The following C13orf42 variants were observed in gnomAD, a reference collection of about 807,000 sequenced individuals.
The protein encoded by C13orf42 is chromosome 13 open reading frame 42.
At chr13:51,133,285 G>A (rs1289942869) in intron 1 of C13orf42, among the ~76,000 whole-genome samples, 1 of 152,164 alleles carries the variant, frequency 6.6e-6, no homozygotes, top group African/African-American at 2.4e-5. Context: ...TCATAGAGAA[G>A]GGAAATAGAA....
chr13:51,119,649 G>A (rs1288522796), intron 1 of C13orf42, among the ~76,000 whole-genome samples: 1 of 152,128 alleles, frequency 6.6e-6, no homozygotes, highest in Non-Finnish European at 1.5e-5. Context: ...AAATAAGACA[G>A]ACACAAAAAG....
chr13:51,100,650 TA>T (rs1431927437), intron 1 of C13orf42, among the ~76,000 whole-genome samples: 1 of 152,180 alleles, frequency 6.6e-6, no homozygotes, highest in Non-Finnish European at 1.5e-5. Flanking sequence ...GGCAAACTTT[TA>T]AAATTAATGA....
At chr13:51,162,031 C>T in intron 1 of C13orf42, 1 of 380,650 alleles carries the variant, frequency 2.6e-6, no homozygotes, top group Non-Finnish European at 5.2e-6. Context: ...ATGCCAGCAG[C>T]AGGCCAGTAC....
At chr13:51,147,727 T>TCAAAAAAAACAAA (rs1953748788) in intron 1 of C13orf42, among the ~76,000 whole-genome samples, 1 of 149,746 alleles carries the variant, frequency 6.7e-6, no homozygotes, top group Non-Finnish European at 1.5e-5. Context: ...AGACTGTGTC[T>TCAAAAAAAACAAA]CAAAAAAAAA....
chr13:51,147,394 T>C (rs1448338257), intron 1 of C13orf42, among the ~76,000 whole-genome samples: 1 of 151,960 alleles, frequency 6.6e-6, no homozygotes, highest in Non-Finnish European at 1.5e-5. Flanking sequence ...CATGGGACAG[T>C]GGCTGCTGTG....
At chr13:51,137,505 T>C (rs1399461825) in intron 1 of C13orf42, among the ~76,000 whole-genome samples, 4 of 152,140 alleles carry the variant, frequency 2.6e-5, no homozygotes, top group Admixed American at 2.6e-4. Context: ...TATCCCACTC[T>C]GTCCCCACGC....
At chr13:51,107,305 C>T (rs528449910) in intron 1 of C13orf42, among the ~76,000 whole-genome samples, 1 of 152,048 alleles carries the variant, frequency 6.6e-6, no homozygotes, top group East Asian at 1.9e-4. Context: ...TGTGTCATGA[C>T]AATTTTTTTA....
At chr13:51,154,932 G>T (rs929163046) in intron 1 of C13orf42, among the ~76,000 whole-genome samples, 1 of 152,182 alleles carries the variant, frequency 6.6e-6, no homozygotes, top group East Asian at 1.9e-4. Context: ...CTTTTAAGGG[G>T]CCGGTAAGGT....
intron 1 of C13orf42, among the ~76,000 whole-genome samples, chr13:51,148,702 G>A (rs1018145964): frequency 8.5e-5 from 13 of 152,222 alleles, no homozygotes; most frequent in Admixed American, 3.9e-4. Flanking sequence ...GGGCAGCGAC[G>A]TGCCTTAGGA....
At chr13:51,111,986 G>A (rs1953440733), upstream of C13orf42, among the ~76,000 whole-genome samples, 1 of 152,234 alleles carries the variant, frequency 6.6e-6, no homozygotes, top group South Asian at 2.1e-4. Context: ...GCATCAGTGA[G>A]CTGAAGGGTG....
intron 1 of C13orf42, among the ~76,000 whole-genome samples, chr13:51,124,680 G>T (rs1020329000): frequency 6.6e-6 from 1 of 152,150 alleles, no homozygotes; most frequent in Admixed American, 6.5e-5. Flanking sequence ...TGGCATCTAG[G>T]CTTCTTATCA....
chr13:51,103,432 G>A (rs9568513), intron 1 of C13orf42, among the ~76,000 whole-genome samples: 22,091 of 152,102 alleles, frequency 0.15, 2,044 homozygotes, highest in African/African-American at 0.27. Context: ...GCCAGGCGCA[G>A]TGGCTCACAC....
chr13:51,125,496 C>T (rs1007881548), intron 1 of C13orf42, among the ~76,000 whole-genome samples: 12 of 152,132 alleles, frequency 7.9e-5, no homozygotes, highest in Non-Finnish European at 1.6e-4. Flanking sequence ...CCTTTCAATG[C>T]TGTAACTCAA....
At chr13:51,138,459 G>C (rs1953673306) in intron 1 of C13orf42, among the ~76,000 whole-genome samples, 1 of 151,968 alleles carries the variant, frequency 6.6e-6, no homozygotes. Flanking sequence ...ATGACCAATG[G>C]GTATCTGAAA....
At chr13:51,100,542 G>A (rs1329646442) in intron 1 of C13orf42, among the ~76,000 whole-genome samples, 1 of 152,082 alleles carries the variant, frequency 6.6e-6, no homozygotes, top group African/African-American at 2.4e-5. Flanking sequence ...GCATTTTTAT[G>A]ACGATAAAAA....
intron 1 of C13orf42, among the ~76,000 whole-genome samples, chr13:51,167,089 C>A (rs1593560411): frequency 6.8e-6 from 1 of 147,128 alleles, no homozygotes; most frequent in African/African-American, 2.5e-5. Flanking sequence ...AAAAAAAAAA[C>A]AAAAAACCAA....
At chr13:51,117,844 C>T (rs572367515) in intron 1 of C13orf42, among the ~76,000 whole-genome samples, 1 of 152,308 alleles carries the variant, frequency 6.6e-6, no homozygotes, top group African/African-American at 2.4e-5. Context: ...GATGTCTCTG[C>T]TCCACGTGAA....
intron 1 of C13orf42, among the ~76,000 whole-genome samples, chr13:51,171,528 C>T (rs898137270): frequency 1.3e-5 from 2 of 152,114 alleles, no homozygotes; most frequent in Non-Finnish European, 2.9e-5. Context: ...CATCTGACCT[C>T]TCCCTTCCTC....
chr13:51,168,934 G>C (rs1447447563), intron 1 of C13orf42, among the ~76,000 whole-genome samples: 3 of 152,030 alleles, frequency 2.0e-5, no homozygotes, highest in Admixed American at 1.3e-4. Context: ...CGCCATAATT[G>C]TAAGTTTCCT....
Sources: allele counts gnomAD v4.1 joint callset (sites outside exome capture counted in the v4.1 genomes callset), GRCh38; gene constraint gnomAD v4.1.1; transcripts MANE v1.5; gene names NCBI Gene and HGNC (gene_info 2026-07-23, HGNC 2026-07-21).